The following UBA5 variants were observed in gnomAD, a reference collection of about 807,000 sequenced individuals.
UBA5 encodes the protein ubiquitin like modifier activating enzyme 5, also known as ubiquitin-like modifier-activating enzyme 5.
A neutral mutation model predicts 52.9 loss-of-function variants in UBA5; 28 were observed. The ratio of observed to expected loss-of-function variants is 0.53; its 90% CI spans 0.39 to 0.73. UBA5 has a LOEUF of 0.73. UBA5 is among the 30% of genes least tolerant of loss of function. The probability of loss-of-function intolerance (pLI) is 0.00; values close to 1 mark genes in which losing one functional copy is unlikely to be tolerated. For missense variants in UBA5, 388 were observed against 492.7 expected (o/e 0.79, Z 2.01); for synonymous variants, 135 against 162.1 (o/e 0.83, Z 1.27).
At position 132,671,012 on chromosome 3, in the gene UBA5, G is replaced by T; in HGVS notation, c.542G>T (p.Cys181Phe). 1 of 1,613,374 alleles carries T rather than the reference G, an allele frequency of 6.2e-7. No individual in the cohort carries two copies. The highest frequency in any genetic ancestry group is 8.5e-7 in the Non-Finnish European group (1 of 1,179,530). ...AAACCTGTTGATCTAGTTCTTAGCT[G>T]TGTGGACAATTTTGAAGCTCGAATG... ...EGKPVDLVLS[C>F]VDNFEARMTI... The change falls in exon 6 of 12, where the codon TGT (cysteine) becomes TTT (phenylalanine). Residue 181 changes from cysteine (C) to phenylalanine (F), a missense_variant. This residue lies in a region of UBA5 where 277 missense variants were observed against 326.4 expected (regional missense o/e 0.85). Transcript: ENST00000356232.
upstream of UBA5, chr3:132,659,817 T>C (rs1230760618): frequency 2.0e-6 from 3 of 1,517,102 alleles, no homozygotes; most frequent in Non-Finnish European, 2.6e-6. Context: ...CCTTCAGGAT[T>C]GGGGCAACGT....
intron 8 of UBA5, among the ~76,000 whole-genome samples, chr3:132,674,712 G>A (rs1238485554): frequency 6.6e-6 from 1 of 152,086 alleles, no homozygotes; most frequent in Non-Finnish European, 1.5e-5. Context: ...AGGGCAGGAG[G>A]GAGCTGGAGG....
In UBA5 at chr3:132,665,589, A is replaced by C. The variant is rs112898849; in HGVS notation, c.162-234A>C. The C allele has an allele frequency of 5.4e-4, 263 of 488,902 alleles. 1 individual carries two copies. The highest frequency in any genetic ancestry group is 3.9e-3 in the African/African-American group (200 of 51,412). The allele number at this position is 488,902 out of a possible 1,614,324, so 30.3% of individuals were successfully genotyped here. On this transcript the variant is annotated intron_variant, in intron 1 of 11. Coordinates refer to ENST00000356232, the MANE Select transcript of UBA5 (RefSeq NM_024818.6). ...CAATCTTGGCTGCAAATCAGAATAC[A>C]TAGCTTTTAAAAACCAATCTTGTTT...
Position 132,666,244 on chromosome 3 carries a change from A to G in UBA5, c.297+171A>G, listed in dbSNP as rs1938375133. The G allele has an allele frequency of 1.0e-5, 6 of 579,408 alleles. No homozygotes were observed. In the South Asian group the frequency reaches 1.2e-4, roughly 12 times the overall value. 35.9% of individuals were successfully genotyped at this position (579,408 alleles called of 1,614,324 possible). A position where few individuals can be genotyped will look rare whatever the true frequency, so the allele number is the denominator to read the frequency against. ...CATATCCCCACCCAAACAAAAGGTG[A>G]TATTAGACAAAGATTGTCTAATTGT... On this transcript the variant is annotated intron_variant, in intron 3 of 11. Transcript: ENST00000356232.
chr3:132,668,157 TAG>T (rs1938453306), intron 3 of UBA5: 1 of 100,656 alleles, frequency 9.9e-6, no homozygotes, highest in South Asian at 3.8e-4. Context: ...ATGGCCATTT[TAG>T]TGTGTGTGTG....
chr3:132,658,960 AGGACT>A (rs1937975919), upstream of UBA5, among the ~76,000 whole-genome samples: 1 of 152,238 alleles, frequency 6.6e-6, no homozygotes, highest in Admixed American at 6.5e-5. Flanking sequence ...TCTGAATGAT[AGGACT>A]CTTTCTGTAG....
chr3:132,659,512 G>A (rs1227526358), upstream of UBA5: 2 of 1,565,254 alleles, frequency 1.3e-6, no homozygotes, highest in Admixed American at 1.8e-5. Context: ...CAATCAGGGT[G>A]GGAGAAACTT....
Position 132,675,914 on chromosome 3 carries a change from T to G in UBA5, c.1122T>G (p.Ile374Met), listed in dbSNP as rs1156328186. ...AAGGAATTACAGTGGCATACACAAT[T>G]CCAAAAAAGGTACTTCAAAAATATG... ...LPEGITVAYT[I>M]PKKQEDSVTE... The change falls in exon 11 of 12, where the codon ATT becomes ATG. Residue 374 changes from isoleucine (I) to methionine (M), a missense_variant. Ile to Met is a conservative substitution (Grantham distance 10). Transcript: ENST00000356232. 6.3e-7 allele frequency: 1 copy of G among 1,590,788 alleles called. No homozygotes were observed. The highest frequency in any genetic ancestry group is 1.4e-5 in the African/African-American group (1 of 73,848).
At chr3:132,669,693 C>T (rs1038632653) in intron 4 of UBA5, among the ~76,000 whole-genome samples, 6 of 152,186 alleles carry the variant, frequency 3.9e-5, no homozygotes, top group Non-Finnish European at 8.8e-5. Flanking sequence ...GCCCATGGGC[C>T]ACAGTTCACC....
chr3:132,656,527 T>C (rs147935496), upstream of UBA5, among the ~76,000 whole-genome samples: 100 of 151,420 alleles, frequency 6.6e-4, 1 homozygote, highest in African/African-American at 1.9e-3. Context: ...AGTCTGCCTC[T>C]GACTCACCCA....
At chr3:132,655,153 C>T (rs1310813446) in intron 1 of UBA5, among the ~76,000 whole-genome samples, 1 of 152,212 alleles carries the variant, frequency 6.6e-6, no homozygotes, top group Admixed American at 6.5e-5. Flanking sequence ...TGACTATATA[C>T]TTACACTATG....
chr3:132,659,311 C>T (rs976114976), upstream of UBA5, among the ~76,000 whole-genome samples: 2 of 152,226 alleles, frequency 1.3e-5, no homozygotes, highest in African/African-American at 4.8e-5. Flanking sequence ...AATTTGTAGC[C>T]TTAATTGCCT....
Position 132,678,844 on chromosome 3 carries a change from T to G in UBA5, c.*2318T>G, listed in dbSNP as rs1938937759. On this transcript the variant is annotated 3_prime_UTR_variant, in exon 12 of 12. Coordinates refer to ENST00000356232, the MANE Select transcript of UBA5 (RefSeq NM_024818.6). Reference sequence around the variant, plus strand: ...TTTGTATTTTTAGTAGAGGCGAGGTTTCACCATGTTGGCCAGGCTGGTCTT... The same window carrying G: ...TTTGTATTTTTAGTAGAGGCGAGGTGTCACCATGTTGGCCAGGCTGGTCTT... Among the ~76,000 whole-genome samples the G allele has an allele frequency of 6.6e-6, 1 of 151,548 alleles. No individual in the cohort carries two copies. Among genetic ancestry groups the G allele is most frequent in the African/African-American group, 2.4e-5 (1 of 41,220 alleles).
upstream of UBA5, among the ~76,000 whole-genome samples, chr3:132,658,206 T>C (rs186309460): frequency 7.0e-4 from 106 of 152,296 alleles, 1 homozygote; most frequent in African/African-American, 2.0e-3. Flanking sequence ...CTTTTGAGTT[T>C]CTGAGACTTC....
In UBA5 at chr3:132,676,764, A is replaced by C; in HGVS notation, c.*238A>C. The C allele has an allele frequency of 1.8e-6, 1 of 563,144 alleles. No homozygotes were observed. The highest frequency in any genetic ancestry group is 1.5e-5 in the South Asian group (1 of 65,464). 34.9% of individuals were successfully genotyped at this position (563,144 alleles called of 1,614,324 possible). A position where few individuals can be genotyped will look rare whatever the true frequency, so the allele number is the denominator to read the frequency against. On this transcript the variant is annotated 3_prime_UTR_variant, in exon 12 of 12. Coordinates refer to ENST00000356232, the MANE Select transcript of UBA5 (RefSeq NM_024818.6). The surrounding 1 kb of genome is among the most constrained non-coding windows in gnomAD (Gnocchi z 4.1). ...AACCTCAAAGGATATTGTAGGATAT[A>C]AATCTTACTTGAAAACATAGCTGTT...
chr3:132,669,647 G>A (rs745314442), intron 4 of UBA5, among the ~76,000 whole-genome samples: 26 of 152,294 alleles, frequency 1.7e-4, no homozygotes, highest in Non-Finnish European at 3.8e-4. Flanking sequence ...TTCTTAGTCT[G>A]AAGGCTGCAC....
At chr3:132,656,818 T>G (rs1041197759), upstream of UBA5, among the ~76,000 whole-genome samples, 4 of 151,840 alleles carry the variant, frequency 2.6e-5, no homozygotes, top group Non-Finnish European at 5.9e-5. Flanking sequence ...AAAAGTCAAT[T>G]TGGTGGTGTG....
intron 1 of UBA5, among the ~76,000 whole-genome samples, chr3:132,655,197 G>C (rs913163361): frequency 2.0e-5 from 3 of 152,136 alleles, no homozygotes; most frequent in Admixed American, 2.0e-4. Context: ...TCCCACTCTG[G>C]TCTATGCCAC....
At chr3:132,667,910 G>T (rs73220109) in intron 3 of UBA5, 2 of 152,266 alleles carry the variant, frequency 1.3e-5, no homozygotes, top group African/African-American at 4.8e-5. Context: ...AGACTCTTAC[G>T]TAGGATTAGA....
Sources: gnomAD v4.1 joint callset for allele counts (sites outside exome capture counted in the v4.1 genomes callset) on GRCh38, gnomAD v4.1.1 for gene constraint, gnomAD v4.1.1 regional missense constraint, Gnocchi (gnomAD v3.1) non-coding constraint, MANE v1.5 for transcripts, NCBI Gene and HGNC (gene_info 2026-07-23, HGNC 2026-07-21) for gene names.